ASIC2: variants seen among roughly 807,000 people sequenced by gnomAD.
ASIC2 encodes the protein acid-sensing ion channel 2.
Under a neutral mutation model 57.3 loss-of-function variants are expected in ASIC2, and 25 were observed. The observed-to-expected ratio is 0.44, with a 90% CI of 0.32 to 0.61. The LOEUF (loss-of-function observed/expected upper bound fraction) is 0.61, where lower values mean the gene tolerates loss of function less well. Ranked by LOEUF, ASIC2 falls within the 20% of genes least tolerant of loss-of-function variation. The pLI is 0.06. For missense variants in ASIC2, 641 were observed against 738.1 expected (o/e 0.87, Z 1.52); for synonymous variants, 319 against 307.5 (o/e 1.04, Z -0.39).
chr17:33,213,170 A>C (rs419566), intron 1 of ASIC2, among the ~76,000 whole-genome samples: 106,752 of 152,118 alleles, frequency 0.7, 37,717 homozygotes, highest in Non-Finnish European at 0.75. Context: ...GCTGGATAAC[A>C]ATCCCACAGG....
chr17:33,365,175 AC>A (rs1908759929), intron 1 of ASIC2, among the ~76,000 whole-genome samples: 1 of 151,762 alleles, frequency 6.6e-6, no homozygotes, highest in African/African-American at 2.4e-5. Flanking sequence ...TGTCCACCTC[AC>A]CCCCTTTTTG....
chr17:33,298,242 T>C (rs1404220619), upstream of ASIC2, among the ~76,000 whole-genome samples: 1 of 152,122 alleles, frequency 6.6e-6, no homozygotes, highest in Non-Finnish European at 1.5e-5. Flanking sequence ...ATTAGGTATA[T>C]CTCCTAATGC....
At chr17:33,648,299 C>A (rs1906808982) in intron 1 of ASIC2, among the ~76,000 whole-genome samples, 1 of 152,194 alleles carries the variant, frequency 6.6e-6, no homozygotes, top group Admixed American at 6.5e-5. Context: ...GCAGAGGCAG[C>A]AAGCATTACG....
intron 1 of ASIC2, among the ~76,000 whole-genome samples, chr17:33,285,232 G>C (rs1031711721): frequency 6.6e-6 from 1 of 152,174 alleles, no homozygotes; most frequent in Non-Finnish European, 1.5e-5. Flanking sequence ...CCTGATGTTG[G>C]TCATTTTGGA....
intron 1 of ASIC2, among the ~76,000 whole-genome samples, chr17:33,383,725 A>G (rs1190436789): frequency 1.3e-5 from 2 of 152,238 alleles, no homozygotes; most frequent in African/African-American, 4.8e-5. Flanking sequence ...AAATACAATG[A>G]GCTTTTGCTC....
At chr17:33,068,080 G>A (rs1165772448) in intron 3 of ASIC2, among the ~76,000 whole-genome samples, 3 of 152,172 alleles carry the variant, frequency 2.0e-5, no homozygotes, top group African/African-American at 7.2e-5. Flanking sequence ...AACCCAGAGA[G>A]TGCAACGGCA....
intron 1 of ASIC2, among the ~76,000 whole-genome samples, chr17:34,056,216 C>A (rs1222851137): frequency 6.6e-6 from 1 of 152,086 alleles, no homozygotes; most frequent in Non-Finnish European, 1.5e-5. Context: ...AGGCAACATC[C>A]AAGGATTTCC....
At chr17:33,252,908 T>C (rs1187689066) in intron 1 of ASIC2, among the ~76,000 whole-genome samples, 2 of 152,172 alleles carry the variant, frequency 1.3e-5, no homozygotes, top group African/African-American at 2.4e-5. Context: ...CTCTATCCTA[T>C]GCCTCTATCA....
chr17:34,062,407 C>T (rs1164760890), intron 1 of ASIC2, among the ~76,000 whole-genome samples: 2 of 152,042 alleles, frequency 1.3e-5, no homozygotes, highest in East Asian at 1.9e-4. Context: ...GCCCTAAATG[C>T]CTACATCAAA....
chr17:34,156,050 G>A lies in ASIC2; in HGVS notation c.483C>T (p.Gly161=), dbSNP rs761518129. The change falls in exon 1 of 10, where the codon GGC becomes GGT. Residue 161 remains glycine (G), a synonymous_variant. Coordinates refer to the ASIC2 transcript ENST00000359872. This position sits in a 1 kb window ranked among gnomAD's most constrained non-coding sequence, Gnocchi z 4.4. ...AGAGCATCATATCCTTCAGGTCATGGCCCACACGGTGCAGGAACTCCAGCA... is the reference window on the plus strand; with the variant it reads ...AGAGCATCATATCCTTCAGGTCATGACCCACACGGTGCAGGAACTCCAGCA... The A allele has an allele frequency of 1.9e-6, 3 of 1,614,030 alleles. No individual in the cohort carries two copies. In the Admixed American group the frequency reaches 5.0e-5, roughly 27 times the overall value.
intron 3 of ASIC2, among the ~76,000 whole-genome samples, chr17:33,070,558 G>A (rs1193516537): frequency 1.3e-5 from 2 of 151,990 alleles, no homozygotes; most frequent in East Asian, 1.9e-4. Flanking sequence ...GTATGGTCTC[G>A]ATCTCTTGAC....
At chr17:33,384,252 A>G (rs1444077252) in intron 1 of ASIC2, among the ~76,000 whole-genome samples, 2 of 152,184 alleles carry the variant, frequency 1.3e-5, no homozygotes, top group Non-Finnish European at 2.9e-5. Flanking sequence ...CCAAATACCC[A>G]AGATTTTGTC....
chr17:33,366,105 T>C (rs563749138), intron 1 of ASIC2, among the ~76,000 whole-genome samples: 12 of 152,336 alleles, frequency 7.9e-5, no homozygotes, highest in African/African-American at 2.9e-4. Flanking sequence ...CTGATGACCC[T>C]CCCATGATGC....
chr17:33,163,908 G>A (rs187459381), intron 1 of ASIC2, among the ~76,000 whole-genome samples: 1 of 152,300 alleles, frequency 6.6e-6, no homozygotes, highest in Admixed American at 6.5e-5. Context: ...AGGAGCATCT[G>A]TTCAAACATT....
chr17:33,344,593 C>A (rs957268536), intron 1 of ASIC2, among the ~76,000 whole-genome samples: 1 of 152,084 alleles, frequency 6.6e-6, no homozygotes, highest in African/African-American at 2.4e-5. Flanking sequence ...TAAACTGAGG[C>A]TAAAAAGTCC....
At chr17:34,021,816 G>A (rs1259990882) in intron 1 of ASIC2, among the ~76,000 whole-genome samples, 4 of 146,568 alleles carry the variant, frequency 2.7e-5, no homozygotes, top group Admixed American at 2.7e-4. Flanking sequence ...TTTTTTTGTT[G>A]TTGGTTTTGT....
At chr17:33,262,601 C>G (rs1326633960) in intron 1 of ASIC2, among the ~76,000 whole-genome samples, 1 of 152,174 alleles carries the variant, frequency 6.6e-6, no homozygotes. Flanking sequence ...ACTTACCTAT[C>G]AAAATATCCC....
At chr17:33,172,640 C>T (rs960960850) in intron 1 of ASIC2, among the ~76,000 whole-genome samples, 7 of 152,148 alleles carry the variant, frequency 4.6e-5, no homozygotes, top group African/African-American at 9.7e-5. Flanking sequence ...CTCCCATGCA[C>T]GGAACTTCAG....
chr17:33,684,562 C>G (rs974131140), intron 1 of ASIC2, among the ~76,000 whole-genome samples: 5 of 152,100 alleles, frequency 3.3e-5, no homozygotes, highest in African/African-American at 1.2e-4. Flanking sequence ...TTAAATACGT[C>G]GGGTAACAGA....
Sources: allele counts gnomAD v4.1 joint callset (sites outside exome capture counted in the v4.1 genomes callset), GRCh38; gene constraint gnomAD v4.1.1; non-coding constraint Gnocchi (gnomAD v3.1); transcripts MANE v1.5; gene names NCBI Gene and HGNC (gene_info 2026-07-23, HGNC 2026-07-21).